C19orf53: variants seen among roughly 807,000 people sequenced by gnomAD.
C19orf53 encodes leydig cell tumor 10 kDa protein homolog.
C19orf53 carries 9 observed loss-of-function variants against 6.5 expected under a neutral mutation model. That is an observed-to-expected ratio of 1.38 (90% CI 0.83 to 2.40). The LOEUF (loss-of-function observed/expected upper bound fraction) is 2.40, where lower values mean the gene tolerates loss of function less well. C19orf53 is among the 30% of genes most tolerant of loss of function. C19orf53 has a pLI of 0.00. For synonymous variants in C19orf53, 68 were observed against 52.5 expected, an observed-to-expected ratio of 1.29 and a Z score of -1.27; for missense variants, 166 against 129.7, an observed-to-expected ratio of 1.28 and a Z score of -1.36.
At position 13,774,645 on chromosome 19, in the gene C19orf53, T is replaced by G. The variant is rs750102705; in HGVS notation, c.98-7T>G. 1.2e-6 allele frequency: 2 copies of G among 1,611,178 alleles called. No homozygotes were observed. The highest frequency in any genetic ancestry group is 2.7e-5 in the African/African-American group (2 of 74,850). The stretch of plus-strand genomic sequence containing the variant: ...TCCCGGCCTCACGTGAGCACATCTT[T>G]CCCCAGGTCGTGTTATCGCTCCCAA... On this transcript the variant is annotated splice_polypyrimidine_tract_variant and splice_region_variant and intron_variant, in intron 1 of 2. Transcript: ENST00000588234.
chr19:13,777,669 G>T (rs1599563673), intron 2 of C19orf53, among the ~76,000 whole-genome samples: 1 of 152,110 alleles, frequency 6.6e-6, no homozygotes, highest in African/African-American at 2.4e-5. Flanking sequence ...TCAGCTTGCC[G>T]TCTGCAAAGC....
chr19:13,775,449 A>G (rs186067391), intron 2 of C19orf53: 1 of 151,624 alleles, frequency 6.6e-6, no homozygotes, highest in African/African-American at 2.4e-5. Flanking sequence ...GGCTAATTTT[A>G]TTTTTTTTGT....
chr19:13,774,875 G>A, intron 2 of C19orf53, 168 bp downstream of exon 2: 1 of 884,856 alleles, frequency 1.1e-6, no homozygotes, highest in African/African-American at 1.7e-5. Context: ...CGTTAGGAGC[G>A]AAGGATGGAG....
At chr19:13,774,770 A>T (rs1974348654) in intron 2 of C19orf53, 63 bp downstream of exon 2, 1 of 1,540,632 alleles carries the variant, frequency 6.5e-7, no homozygotes, top group Non-Finnish European at 8.8e-7. Flanking sequence ...AACCCGGAGG[A>T]CGGCGAGGGG....
rs759336348 is a variant in C19orf53, at chr19:13,774,755, G to A, written c.153+48G>A. ...GCCCGGAGGGCGGCGAGTAGCGAGG[G>A]GTGGAACCCGGAGGACGGCGAGGGG... On this transcript the variant is annotated intron_variant, in intron 2 of 2. Transcript: ENST00000588234. The A allele has an allele frequency of 5.8e-6, 9 of 1,563,174 alleles. No homozygotes were observed. In the South Asian group the frequency reaches 9.5e-5, roughly 17 times the overall value.
chr19:13,774,522 G>A lies in C19orf53; in HGVS notation c.45G>A (p.Lys15=). The A allele has an allele frequency of 6.2e-7, 1 of 1,613,762 alleles. No individual in the cohort carries two copies. Among genetic ancestry groups the A allele is most frequent in the Non-Finnish European group, 8.5e-7 (1 of 1,179,794 alleles). The part of the protein sequence containing the change: ...QRKFQAHKPA[K]SKTAAAASEK... ...AGTTTCAGGCGCACAAACCCGCAAAGAGTAAGACGGCAGCGGCAGCCTCTG... is the reference window on the plus strand; with the variant it reads ...AGTTTCAGGCGCACAAACCCGCAAAAAGTAAGACGGCAGCGGCAGCCTCTG... The change falls in exon 1 of 3, where the codon AAG becomes AAA. Residue 15 remains lysine, a synonymous_variant. Coordinates refer to ENST00000588234, the MANE Select transcript of C19orf53 (RefSeq NM_014047.3).
intron 2 of C19orf53, among the ~76,000 whole-genome samples, chr19:13,777,249 CT>C (rs57598587): frequency 0.36 from 53,593 of 148,090 alleles, 11,004 homozygotes; most frequent in African/African-American, 0.56. Flanking sequence ...CCAGCCGGAA[CT>C]TTTTTTTTTT....
chr19:13,776,124 A>ATTTTT (rs57201742), intron 2 of C19orf53, among the ~76,000 whole-genome samples: 1 of 84,922 alleles, frequency 1.2e-5, no homozygotes, highest in Non-Finnish European at 2.2e-5. Context: ...CACCGGGCTA[A>ATTTTT]TTTTTTTTTT....
At position 13,774,491 on chromosome 19, in the gene C19orf53, AGCGCAAGTTTCAGGC is replaced by A; in HGVS notation, c.17_31del (p.Arg6_Ala10del). ...GCGTGCCGGACCATGGCGCAGGGGCAGCGCAAGTTTCAGGCGCACAAACCCGCAAAGAGTAAGACG... is the reference window on the plus strand; with the variant it reads ...GCGTGCCGGACCATGGCGCAGGGGCAGCACAAACCCGCAAAGAGTAAGACG... On this transcript the variant is annotated inframe_deletion, in exon 1 of 3. Transcript: ENST00000588234. 1 of 1,609,254 alleles carries A rather than the reference AGCGCAAGTTTCAGGC, an allele frequency of 6.2e-7. No individual in the cohort carries two copies. The highest frequency in any genetic ancestry group is 8.5e-7 in the Non-Finnish European group (1 of 1,177,988).
chr19:13,774,474 G>A lies in C19orf53; in HGVS notation c.-4G>A, dbSNP rs770709451. On this transcript the variant is annotated 5_prime_UTR_variant, in exon 1 of 3. Coordinates refer to ENST00000588234, the MANE Select transcript of C19orf53 (RefSeq NM_014047.3). ...GTCCCGCCTCTTCCGCTGCGTGCCG[G>A]ACCATGGCGCAGGGGCAGCGCAAGT... 4.4e-6 allele frequency: 7 copies of A among 1,599,726 alleles called. No individual in the cohort carries two copies. The South Asian group carries it at 7.8e-5, about 18-fold the overall frequency.
chr19:13,775,062 T>G (rs4926167), intron 2 of C19orf53, among the ~76,000 whole-genome samples: 48,548 of 151,882 alleles, frequency 0.32, 8,357 homozygotes, highest in South Asian at 0.44. Context: ...TTTTCTTCCT[T>G]GTGCAAGGGG....
At chr19:13,775,007 G>C (rs1475948133) in intron 2 of C19orf53, 1 of 527,892 alleles carries the variant, frequency 1.9e-6, no homozygotes, top group African/African-American at 1.9e-5. Flanking sequence ...ATCGGCAAAG[G>C]GCAAGGGATG....
intron 2 of C19orf53, chr19:13,775,482 A>G (rs1036683461): frequency 4.6e-5 from 7 of 152,076 alleles, no homozygotes; most frequent in African/African-American, 1.7e-4. Context: ...GACAGGTTTC[A>G]CTATGCTGCT....
intron 2 of C19orf53, among the ~76,000 whole-genome samples, chr19:13,776,635 C>G (rs1213390045): frequency 1.3e-5 from 2 of 152,182 alleles, no homozygotes; most frequent in Non-Finnish European, 2.9e-5. Flanking sequence ...CCTTCCTGGG[C>G]TCCTTGTCCC....
chr19:13,774,986 G>A, intron 2 of C19orf53: 1 of 546,580 alleles, frequency 1.8e-6, no homozygotes, highest in Non-Finnish European at 3.2e-6. Context: ...GGCGAGGGAA[G>A]GAGCACAGGG....
In C19orf53 at chr19:13,778,205, T is replaced by C. The variant is rs776740647; in HGVS notation, c.*7T>C. ...CTCCAAGACACCTTCCTGAGGACGC[T>C]GGCCCCAGTGCAGGCCAACATCCCA... On this transcript the variant is annotated 3_prime_UTR_variant, in exon 3 of 3. Coordinates refer to ENST00000588234, the MANE Select transcript of C19orf53 (RefSeq NM_014047.3). The C allele has an allele frequency of 6.3e-7, 1 of 1,594,586 alleles. No homozygotes were observed. Among genetic ancestry groups the C allele is most frequent in the Non-Finnish European group, 8.6e-7 (1 of 1,168,332 alleles).
Position 13,778,190 on chromosome 19 carries a change from C to A in C19orf53, c.292C>A (p.Pro98Thr), listed in dbSNP as rs1464108707. Residue 98 changes from proline to threonine, a missense_variant, in exon 3 of 3, where the codon CCT becomes ACT. Physicochemically the swap from Pro to Thr is conservative, Grantham distance 38 (BLOSUM62 -1). Transcript: ENST00000588234. ...GAAAATSSKT[P>T]S ...AGCTGCCGCCACCTCCTCCAAGACA[C>A]CTTCCTGAGGACGCTGGCCCCAGTG... 1 of 1,603,398 alleles carries A rather than the reference C, an allele frequency of 6.2e-7. No homozygotes were observed.
chr19:13,777,314 T>C (rs1303689000), intron 2 of C19orf53, among the ~76,000 whole-genome samples: 1 of 151,904 alleles, frequency 6.6e-6, no homozygotes, highest in Non-Finnish European at 1.5e-5. Context: ...GGAACGATCA[T>C]AGCTCACTGC....
At chr19:13,777,059 C>T (rs1974378640) in intron 2 of C19orf53, among the ~76,000 whole-genome samples, 1 of 152,022 alleles carries the variant, frequency 6.6e-6, no homozygotes, top group Admixed American at 6.6e-5. Flanking sequence ...TCAAGCAATT[C>T]TCCTGCCTCA....
Sources: gnomAD v4.1 joint callset for allele counts (sites outside exome capture counted in the v4.1 genomes callset) on GRCh38, gnomAD v4.1.1 for gene constraint, MANE v1.5 for transcripts, NCBI Gene and HGNC (gene_info 2026-07-23, HGNC 2026-07-21) for gene names.